Variants in RORA observed in about 807,000 individuals in gnomAD.
RORA encodes the protein nuclear receptor ROR-alpha.
A neutral mutation model predicts 69.5 loss-of-function variants in RORA; 7 were observed. That is an observed-to-expected ratio of 0.10 (90% CI 0.06 to 0.19). RORA has a LOEUF of 0.19. Among genes scored for constraint, RORA ranks in the 10% least tolerant of loss-of-function variants. RORA has a pLI of 1.00. For missense variants in RORA, 457 were observed against 663.0 expected, an observed-to-expected ratio of 0.69 and a Z score of 3.41; for synonymous variants, 261 against 240.8, an observed-to-expected ratio of 1.08 and a Z score of -0.78.
At chr15:61,101,637 A>C (rs1389540037) in intron 1 of RORA, among the ~76,000 whole-genome samples, 1 of 152,054 alleles carries the variant, frequency 6.6e-6, no homozygotes, top group East Asian at 1.9e-4. Flanking sequence ...AAGGCCTTGT[A>C]AACCTGGTAA....
At chr15:60,998,975 G>A (rs1894659261) in intron 1 of RORA, among the ~76,000 whole-genome samples, 1 of 152,116 alleles carries the variant, frequency 6.6e-6, no homozygotes, top group African/African-American at 2.4e-5. Flanking sequence ...GTTGAAGACA[G>A]CTAAACTGGA....
intron 1 of RORA, among the ~76,000 whole-genome samples, chr15:60,913,217 G>A (rs1012681017): frequency 2.6e-5 from 4 of 152,146 alleles, no homozygotes; most frequent in African/African-American, 7.2e-5. Flanking sequence ...TCACCACCTC[G>A]TGCTCAGGCT....
intron 1 of RORA, among the ~76,000 whole-genome samples, chr15:60,918,439 T>C (rs1891943566): frequency 6.6e-6 from 1 of 152,202 alleles, no homozygotes; most frequent in African/African-American, 2.4e-5. Flanking sequence ...TACGTATTTA[T>C]TTACACCACT....
Position 60,688,144 on chromosome 15 carries a change from C to T in RORA, c.167-9458G>A, listed in dbSNP as rs577787046. On this transcript the variant is annotated intron_variant, in intron 1 of 10. Coordinates refer to ENST00000335670, the MANE Select transcript of RORA (RefSeq NM_134261.3). ...CATGATATGTTTACCAAATGGAAGGCGCTACCATCATTAAAATAAAGAAAA... is the reference window on the plus strand; with the variant it reads ...CATGATATGTTTACCAAATGGAAGGTGCTACCATCATTAAAATAAAGAAAA... Among the ~76,000 whole-genome samples the T allele has an allele frequency of 4.1e-4, 62 of 151,934 alleles. No individual in the cohort carries two copies. In the South Asian group the frequency reaches 7.9e-3, roughly 19 times the overall value.
intron 2 of RORA, among the ~76,000 whole-genome samples, chr15:60,641,418 C>T (rs2069942294): frequency 6.6e-6 from 1 of 151,436 alleles, no homozygotes; most frequent in Admixed American, 6.6e-5. Context: ...CTTTCCATTT[C>T]TTTTTTTTTA....
intron 1 of RORA, among the ~76,000 whole-genome samples, chr15:61,191,812 CG>C (rs2079803023): frequency 1.3e-5 from 2 of 152,164 alleles, no homozygotes; most frequent in African/African-American, 4.8e-5. Flanking sequence ...TCTGTAGTCT[CG>C]CATCTGTTCT....
chr15:61,106,418 A>G (rs2078949202), intron 1 of RORA, among the ~76,000 whole-genome samples: 1 of 152,238 alleles, frequency 6.6e-6, no homozygotes, highest in Admixed American at 6.5e-5. Flanking sequence ...ACCATCCGTT[A>G]AGTATTTACC....
At chr15:60,941,988 A>C (rs567952816) in intron 1 of RORA, among the ~76,000 whole-genome samples, 1 of 152,344 alleles carries the variant, frequency 6.6e-6, no homozygotes, top group South Asian at 2.1e-4. Context: ...TCTCCTATGC[A>C]TAAAATCTGC....
chr15:61,087,151 T>A (rs2078637833), intron 1 of RORA, among the ~76,000 whole-genome samples: 1 of 152,190 alleles, frequency 6.6e-6, no homozygotes, highest in African/African-American at 2.4e-5. Flanking sequence ...AATAAGACCC[T>A]GTCTCCAAAA....
At chr15:60,975,170 A>G (rs1365621708) in intron 1 of RORA, among the ~76,000 whole-genome samples, 1 of 152,190 alleles carries the variant, frequency 6.6e-6, no homozygotes, top group Non-Finnish European at 1.5e-5. Context: ...CAGGGTGAGC[A>G]CAGATGCCCT....
intron 1 of RORA, among the ~76,000 whole-genome samples, chr15:60,819,057 T>G (rs2072853160): frequency 6.6e-6 from 1 of 152,196 alleles, no homozygotes; most frequent in African/African-American, 2.4e-5. Context: ...CTAAATAACT[T>G]GGTCTCACTC....
At chr15:61,055,004 T>C (rs1404574151) in intron 1 of RORA, among the ~76,000 whole-genome samples, 1 of 151,966 alleles carries the variant, frequency 6.6e-6, no homozygotes, top group Non-Finnish European at 1.5e-5. Context: ...GTCTGGCTAA[T>C]TTTTGTATTT....
chr15:60,513,741 T>C (rs940923696), intron 4 of RORA, among the ~76,000 whole-genome samples: 3 of 152,222 alleles, frequency 2.0e-5, no homozygotes, highest in African/African-American at 7.2e-5. Context: ...CTCGTGCCTA[T>C]GTAGATCTAC....
At chr15:60,566,803 G>A (rs933824993) in intron 2 of RORA, among the ~76,000 whole-genome samples, 36 of 152,182 alleles carry the variant, frequency 2.4e-4, no homozygotes, top group Admixed American at 6.5e-4. Context: ...ATGAACATGC[G>A]TGATGTGTTC....
chr15:60,516,033 A>T lies in RORA; in HGVS notation c.283-1276T>A, dbSNP rs1302121882. On this transcript the variant is annotated intron_variant, in intron 3 of 10. Transcript: ENST00000335670. ...TATTTATATATATTTATATATTTAT[A>T]TATATTTATATATTTATATATATTT... Among the ~76,000 whole-genome samples, 11 of 10,114 alleles carry T rather than the reference A, an allele frequency of 1.1e-3. 1 individual carries two copies. The highest frequency in any genetic ancestry group is 0.016 in the East Asian group (2 of 128). The allele number at this position is 10,114 out of a possible 152,430, so 6.6% of individuals were successfully genotyped here. A position where few individuals can be genotyped will look rare whatever the true frequency, so the allele number is the denominator to read the frequency against.
intron 1 of RORA, among the ~76,000 whole-genome samples, chr15:61,184,381 C>T (rs779878073): frequency 6.6e-6 from 1 of 152,100 alleles, no homozygotes; most frequent in African/African-American, 2.4e-5. Flanking sequence ...CTCCAGGAAG[C>T]CCTCCCCAGA....
intron 1 of RORA, among the ~76,000 whole-genome samples, chr15:61,183,801 T>C (rs111447092): frequency 1.1e-4 from 16 of 152,304 alleles, no homozygotes; most frequent in African/African-American, 3.8e-4. Flanking sequence ...ACAAAGCAAA[T>C]GCTCAATAAA....
At chr15:60,737,304 T>C (rs1333166135) in intron 1 of RORA, among the ~76,000 whole-genome samples, 5 of 152,324 alleles carry the variant, frequency 3.3e-5, no homozygotes, top group African/African-American at 9.6e-5. Flanking sequence ...TTCTATAACT[T>C]CAGGCAGACA....
chr15:60,925,064 G>A (rs1243483279), intron 1 of RORA, among the ~76,000 whole-genome samples: 4 of 151,070 alleles, frequency 2.6e-5, no homozygotes, highest in African/African-American at 9.7e-5. Flanking sequence ...GGGTGACAGA[G>A]CAAGCTTCTG....
Sources: allele counts gnomAD v4.1 joint callset (sites outside exome capture counted in the v4.1 genomes callset), GRCh38; gene constraint gnomAD v4.1.1; transcripts MANE v1.5; gene names NCBI Gene and HGNC (gene_info 2026-07-23, HGNC 2026-07-21).